The following TBC1D19 variants were observed in gnomAD, a reference collection of about 807,000 sequenced individuals.
TBC1D19 encodes TBC1 domain family, member 19.
In TBC1D19, 60 loss-of-function variants were observed where a neutral mutation model predicts 89.0. The ratio of observed to expected loss-of-function variants is 0.67; its 90% confidence interval spans 0.55 to 0.84. TBC1D19 has a LOEUF of 0.84. Among genes scored for constraint, TBC1D19 ranks in the 40% least tolerant of loss-of-function variants. The pLI, the probability that TBC1D19 is intolerant of heterozygous loss-of-function variation, is 0.00. For synonymous variants in TBC1D19, 189 were observed against 199.7 expected (o/e 0.95, Z 0.45); for missense variants, 500 against 610.8 (o/e 0.82, Z 1.91).
At position 26,748,669 on chromosome 4, in the gene TBC1D19, T is replaced by C; in HGVS notation, c.1435+143T>C. ...TAATAGATATATCTGGCTTTGACGA[T>C]AAGTACGAACAAAAACTGCAGTCTT... On this transcript the variant is annotated intron_variant, in intron 19 of 20. Transcript: ENST00000264866. 9.4e-6 allele frequency: 6 copies of C among 639,996 alleles called. No individual in the cohort carries two copies. In the South Asian group the frequency reaches 1.0e-4, roughly 11 times the overall value. 39.6% of individuals were successfully genotyped at this position (639,996 alleles called of 1,614,324 possible). A position where few individuals can be genotyped will look rare whatever the true frequency, so the allele number is the denominator to read the frequency against.
At chr4:26,812,984 A>G in the TBC1D19 span, among the ~76,000 whole-genome samples, 2 of 152,152 alleles carry the variant, frequency 1.3e-5, no homozygotes, top group Non-Finnish European at 1.5e-5. This position sits in a 1 kb window ranked among gnomAD's most constrained non-coding sequence, Gnocchi z 4.2. Context: ...TGGGAGGCCC[A>G]AGGTGGGAGG....
At chr4:26,787,454 A>G in the TBC1D19 span, among the ~76,000 whole-genome samples, 1 of 152,114 alleles carries the variant, frequency 6.6e-6, no homozygotes, top group African/African-American at 2.4e-5. Context: ...CCAGGTGGAC[A>G]TGGGATTACA....
In TBC1D19 at chr4:26,665,515, A is replaced by G. The variant is rs77335470; in HGVS notation, c.592-818A>G. ...TAAAAAATACCAGACAAACATTATT[A>G]TTTTTCTTAGACATTACTAGATAAG... is the stretch of plus-strand genomic sequence containing the variant. On this transcript the variant is annotated intron_variant, in intron 8 of 20. Coordinates refer to ENST00000264866, the MANE Select transcript of TBC1D19 (RefSeq NM_018317.4). 5.3e-5 allele frequency among the ~76,000 whole-genome samples: 8 copies of G among 152,140 alleles called. No individual in the cohort carries two copies. The East Asian group carries it at 1.5e-3, about 29-fold the overall frequency.
chr4:26,653,524 G>A (rs768324938), intron 7 of TBC1D19, among the ~76,000 whole-genome samples: 4 of 152,080 alleles, frequency 2.6e-5, no homozygotes, highest in African/African-American at 7.2e-5. Context: ...CTTTTTAGGT[G>A]TCTCAGGACT....
intron 1 of TBC1D19, among the ~76,000 whole-genome samples, chr4:26,603,874 A>G (rs184781839): frequency 1.2e-3 from 180 of 152,308 alleles, no homozygotes; most frequent in African/African-American, 4.1e-3. Context: ...AAGTACATAC[A>G]CATTGTTGTG....
intron 7 of TBC1D19, among the ~76,000 whole-genome samples, chr4:26,650,485 G>T (rs1165304910): frequency 4.6e-5 from 7 of 152,254 alleles, no homozygotes; most frequent in South Asian, 2.1e-4. Flanking sequence ...ATTTTTTCAC[G>T]TGTCTTTTGG....
intron 9 of TBC1D19, among the ~76,000 whole-genome samples, chr4:26,667,621 G>A (rs1711926507): frequency 6.6e-6 from 1 of 152,028 alleles, no homozygotes. Flanking sequence ...GAAGTTGCAA[G>A]TTTGAGGATA....
chr4:26,707,104 G>A (rs989787610), intron 13 of TBC1D19, among the ~76,000 whole-genome samples: 1 of 151,734 alleles, frequency 6.6e-6, no homozygotes, highest in Non-Finnish European at 1.5e-5. Flanking sequence ...CTTATTTCCT[G>A]TCTAGTGGTT....
downstream of TBC1D19, among the ~76,000 whole-genome samples, chr4:26,760,879 C>T (rs1011298479): frequency 7.9e-5 from 12 of 152,206 alleles, no homozygotes; most frequent in South Asian, 2.1e-3. Context: ...GGTTTATGAT[C>T]GCTTTTTTTC....
chr4:26,769,548 C>CTTT, the TBC1D19 span, among the ~76,000 whole-genome samples: 2 of 146,060 alleles, frequency 1.4e-5, no homozygotes, highest in Non-Finnish European at 3.0e-5. Context: ...GTTTAAGGTT[C>CTTT]TTTTTTTTTT....
chr4:26,685,035 G>T (rs1713688981), intron 12 of TBC1D19, among the ~76,000 whole-genome samples: 1 of 152,196 alleles, frequency 6.6e-6, no homozygotes, highest in Admixed American at 6.5e-5. Flanking sequence ...CAAAATTTTT[G>T]CAACTTTGTA....
At chr4:26,614,597 T>G (rs1337225690) in intron 3 of TBC1D19, 144 bp downstream of exon 3, 4 of 516,854 alleles carry the variant, frequency 7.7e-6, no homozygotes, top group Non-Finnish European at 9.5e-6. Context: ...GTTGATACAA[T>G]TAAAAATTAC....
At chr4:26,680,073 C>A (rs1334969842) in intron 11 of TBC1D19, among the ~76,000 whole-genome samples, 2 of 152,086 alleles carry the variant, frequency 1.3e-5, no homozygotes, top group East Asian at 3.9e-4. Flanking sequence ...AGGGGCTTCC[C>A]CCTTTGCTGG....
At chr4:26,597,730 T>C (rs1432308102) in intron 1 of TBC1D19, among the ~76,000 whole-genome samples, 1 of 152,126 alleles carries the variant, frequency 6.6e-6, no homozygotes, top group Non-Finnish European at 1.5e-5. Context: ...TACTGATCTA[T>C]ATGGTTTTAT....
chr4:26,838,617 T>C, the TBC1D19 span, among the ~76,000 whole-genome samples: 18 of 152,348 alleles, frequency 1.2e-4, no homozygotes, highest in African/African-American at 4.3e-4. Context: ...GCAGAACACA[T>C]TCAAAACAGT....
intron 13 of TBC1D19, among the ~76,000 whole-genome samples, chr4:26,707,051 A>C (rs1329532681): frequency 1.3e-5 from 2 of 152,134 alleles, no homozygotes; most frequent in Middle Eastern, 3.4e-3. Flanking sequence ...TTGGTTTATC[A>C]TGTAAATACT....
intron 13 of TBC1D19, among the ~76,000 whole-genome samples, chr4:26,715,955 T>C (rs1190129143): frequency 1.3e-5 from 2 of 152,090 alleles, no homozygotes; most frequent in Non-Finnish European, 2.9e-5. Flanking sequence ...ATCCGCATGC[T>C]AAGTTTCTCA....
the TBC1D19 span, among the ~76,000 whole-genome samples, chr4:26,829,133 T>TGTTTGC: frequency 6.2e-4 from 94 of 152,352 alleles, no homozygotes; most frequent in African/African-American, 2.1e-3. Flanking sequence ...TTGAAAAATA[T>TGTTTGC]GTTTGCTTTC....
chr4:26,711,821 A>T (rs916411465), intron 13 of TBC1D19, among the ~76,000 whole-genome samples: 7 of 152,100 alleles, frequency 4.6e-5, no homozygotes, highest in Non-Finnish European at 1.0e-4. Context: ...TACAGATACA[A>T]AAATTAGAAT....
Sources: gnomAD v4.1 joint callset for allele counts (sites outside exome capture counted in the v4.1 genomes callset) on GRCh38, gnomAD v4.1.1 for gene constraint, Gnocchi (gnomAD v3.1) non-coding constraint, MANE v1.5 for transcripts, NCBI Gene and HGNC (gene_info 2026-07-23, HGNC 2026-07-21) for gene names.